Variants in GOT1 observed in about 807,000 individuals in gnomAD.
GOT1 encodes glutamic-oxaloacetic transaminase 1.
In GOT1, 25 loss-of-function variants were observed where a neutral mutation model predicts 48.2. The observed-to-expected ratio is 0.52, with a 90% CI of 0.38 to 0.72. The LOEUF (loss-of-function observed/expected upper bound fraction) is 0.72, where lower values mean the gene tolerates loss of function less well. Among genes scored for constraint, GOT1 ranks in the 30% least tolerant of loss-of-function variants. GOT1 has a pLI of 0.00. For synonymous variants in GOT1, 188 were observed against 193.8 expected, an observed-to-expected ratio of 0.97 and a Z score of 0.25; for missense variants, 380 against 520.1, an observed-to-expected ratio of 0.73 and a Z score of 2.62.
At position 99,403,454 on chromosome 10, in the gene GOT1, C is replaced by T; in HGVS notation, c.959+15G>A. On this transcript the variant is annotated intron_variant, in intron 7 of 8. Transcript: ENST00000370508. ...ACTCCCCACCCCCCGGCCCACCAGA[C>T]TGGGAGCCCCTTACCATTCCTCAAA... The T allele has an allele frequency of 6.2e-7, 1 of 1,603,122 alleles. No individual in the cohort carries two copies.
At chr10:99,430,322 C>T (rs757291704) in intron 1 of GOT1, 126 bp downstream of exon 1, 1 of 1,601,094 alleles carries the variant, frequency 6.2e-7, no homozygotes, top group East Asian at 2.2e-5. Context: ...ATCCAGCCTC[C>T]TCTCCGGCGC....
rs960073477 is a variant in GOT1, at chr10:99,397,827, A to G, written c.1103-141T>C. On this transcript the variant is annotated intron_variant, in intron 8 of 8. Transcript: ENST00000370508. This position sits in a 1 kb window ranked among gnomAD's most constrained non-coding sequence, Gnocchi z 5.4. ...AAAACAAAAGGCGCTATTTTGTCCA[A>G]CTGACAAACAGAAAAATATGCTCAC... 1.5e-5 allele frequency: 11 copies of G among 724,780 alleles called. No individual in the cohort carries two copies. In the East Asian group the frequency reaches 3.0e-4, roughly 19 times the overall value. The allele number at this position is 724,780 out of a possible 1,614,324, so 44.9% of individuals were successfully genotyped here.
chr10:99,416,879 T>G (rs910064876), intron 2 of GOT1, among the ~76,000 whole-genome samples: 10 of 152,164 alleles, frequency 6.6e-5, no homozygotes, highest in African/African-American at 1.7e-4. Flanking sequence ...TAGACATATG[T>G]AGAAAGCTGA....
intron 2 of GOT1, among the ~76,000 whole-genome samples, chr10:99,419,132 T>C (rs542192115): frequency 1.0e-3 from 159 of 152,292 alleles, no homozygotes; most frequent in Middle Eastern, 6.8e-3. Flanking sequence ...ACATGATATA[T>C]AAAAGGAAAA....
chr10:99,422,201 T>G (rs2032979319), intron 1 of GOT1, among the ~76,000 whole-genome samples: 1 of 152,198 alleles, frequency 6.6e-6, no homozygotes. Context: ...CCTCCCGCTT[T>G]GCTCTCTCTC....
rs559712292 is a variant in GOT1, at chr10:99,397,536, G to T, written c.*11C>A. On this transcript the variant is annotated 3_prime_UTR_variant, in exon 9 of 9. Coordinates refer to ENST00000370508, the MANE Select transcript of GOT1 (RefSeq NM_002079.3). This position sits in a 1 kb window ranked among gnomAD's most constrained non-coding sequence, Gnocchi z 5.4. ...GAACTACTTTGGTGGTACTGGACGG[G>T]TGGTGTTTCTTCACTGGATTTTGGT... is the stretch of plus-strand genomic sequence containing the variant. 3 of 1,613,470 alleles carry T rather than the reference G, an allele frequency of 1.9e-6. No individual in the cohort carries two copies. Among genetic ancestry groups the T allele is most frequent in the Admixed American group, 3.3e-5 (2 of 60,020 alleles).
At chr10:99,408,718 C>CAAAT (rs1237605572) in intron 2 of GOT1, among the ~76,000 whole-genome samples, 1 of 152,066 alleles carries the variant, frequency 6.6e-6, no homozygotes, top group Non-Finnish European at 1.5e-5. Context: ...GACTCTGTCT[C>CAAAT]AAATAAATAA....
chr10:99,417,222 C>G (rs1393435016), intron 2 of GOT1, among the ~76,000 whole-genome samples: 2 of 152,116 alleles, frequency 1.3e-5, no homozygotes, highest in African/African-American at 4.8e-5. Context: ...AGAACTCAAA[C>G]AAATTTACAA....
intron 1 of GOT1, among the ~76,000 whole-genome samples, chr10:99,429,996 G>A (rs1048230046): frequency 6.6e-6 from 1 of 152,122 alleles, no homozygotes; most frequent in Non-Finnish European, 1.5e-5. Flanking sequence ...GTGGCTGATT[G>A]ATACTCGGTG....
At position 99,397,198 on chromosome 10, in the gene GOT1, G is replaced by A; in HGVS notation, c.*349C>T. On this transcript the variant is annotated 3_prime_UTR_variant, in exon 9 of 9. Transcript: ENST00000370508. The surrounding 1 kb of genome is among the most constrained non-coding windows in gnomAD (Gnocchi z 5.4). ...TCAGACAACTTGATCTTTGGGACTA[G>A]AATTTGTACAGAGTCAAACACCACA... is the stretch of plus-strand genomic sequence containing the variant. 5.0e-6 allele frequency: 1 copy of A among 199,194 alleles called. No individual in the cohort carries two copies. Among genetic ancestry groups the A allele is most frequent in the Non-Finnish European group, 1.0e-5 (1 of 95,420 alleles). 12.3% of individuals were successfully genotyped at this position (199,194 alleles called of 1,614,324 possible). A position where few individuals can be genotyped will look rare whatever the true frequency, so the allele number is the denominator to read the frequency against.
Position 99,399,484 on chromosome 10 carries a change from A to G in GOT1, c.1103-1798T>C, listed in dbSNP as rs1198810382. ...CACCTGTGCAAGTTAATAAATTTGC[A>G]TGCTGGCCAGGCACAGTGGCTCATG... On this transcript the variant is annotated intron_variant, in intron 8 of 8. Transcript: ENST00000370508. Among the ~76,000 whole-genome samples the G allele has an allele frequency of 2.6e-5, 4 of 152,334 alleles. No individual in the cohort carries two copies. The East Asian group carries it at 7.7e-4, about 29-fold the overall frequency.
chr10:99,419,440 T>C (rs1239220949), intron 2 of GOT1, among the ~76,000 whole-genome samples: 2 of 152,182 alleles, frequency 1.3e-5, no homozygotes, highest in Non-Finnish European at 2.9e-5. Context: ...CTATCCAACA[T>C]GTTCCCAGCT....
chr10:99,405,230 T>C (rs1415972751), intron 5 of GOT1, among the ~76,000 whole-genome samples: 1 of 152,130 alleles, frequency 6.6e-6, no homozygotes, highest in Non-Finnish European at 1.5e-5. Context: ...CACTTTCAGC[T>C]AGGAATTCCC....
At chr10:99,428,689 T>C (rs2033072361) in intron 1 of GOT1, among the ~76,000 whole-genome samples, 1 of 152,230 alleles carries the variant, frequency 6.6e-6, no homozygotes, top group Admixed American at 6.5e-5. Flanking sequence ...TGTATTTAGA[T>C]TGACAGTAAT....
chr10:99,397,580 G>T lies in GOT1; in HGVS notation c.1209C>A (p.Thr403=). The change falls in exon 9 of 9, where the codon ACC becomes ACA. Residue 403 remains threonine, a synonymous_variant. Coordinates refer to ENST00000370508, the MANE Select transcript of GOT1 (RefSeq NM_002079.3). This position sits in a 1 kb window ranked among gnomAD's most constrained non-coding sequence, Gnocchi z 5.4. ...LTTKNLDYVA[T]SIHEAVTKIQ ...TTTTGGTGACTGCTTCATGGATGGAGGTGGCCACGTAATCTAGATTTTTGG... is the reference window on the plus strand; with the variant it reads ...TTTTGGTGACTGCTTCATGGATGGATGTGGCCACGTAATCTAGATTTTTGG... The T allele has an allele frequency of 6.2e-7, 1 of 1,614,070 alleles. No individual in the cohort carries two copies. Among genetic ancestry groups the T allele is most frequent in the Non-Finnish European group, 8.5e-7 (1 of 1,179,984 alleles).
chr10:99,419,663 G>A lies in GOT1; in HGVS notation c.300+961C>T, dbSNP rs1008615394. Among the ~76,000 whole-genome samples, 7 of 152,168 alleles carry A rather than the reference G, an allele frequency of 4.6e-5. No individual in the cohort carries two copies. In the East Asian group the frequency reaches 5.8e-4, roughly 13 times the overall value. ...GGAGTGAAAGAGAGGGGAGAAGGGT[G>A]GTGCCTCCAAGATTCTGATTTACCT... On this transcript the variant is annotated intron_variant, in intron 2 of 8. Transcript: ENST00000370508.
At chr10:99,412,575 G>C (rs1457076109) in intron 2 of GOT1, among the ~76,000 whole-genome samples, 1 of 151,886 alleles carries the variant, frequency 6.6e-6, no homozygotes, top group African/African-American at 2.4e-5. Context: ...AAATGTCCCT[G>C]TCTGACAGCT....
intron 2 of GOT1, among the ~76,000 whole-genome samples, chr10:99,412,690 AC>A (rs34971146): frequency 6.6e-6 from 1 of 151,840 alleles, no homozygotes; most frequent in Non-Finnish European, 1.5e-5. Context: ...ACTGGGAGGC[AC>A]CCCCCAGTAG....
intron 1 of GOT1, among the ~76,000 whole-genome samples, chr10:99,426,510 A>C (rs2033039697): frequency 6.6e-6 from 1 of 152,210 alleles, no homozygotes; most frequent in Non-Finnish European, 1.5e-5. Context: ...CCATGTTGAA[A>C]ATAAGAAATA....
Sources: allele counts gnomAD v4.1 joint callset (sites outside exome capture counted in the v4.1 genomes callset), GRCh38; gene constraint gnomAD v4.1.1; non-coding constraint Gnocchi (gnomAD v3.1); transcripts MANE v1.5; gene names NCBI Gene and HGNC (gene_info 2026-07-23, HGNC 2026-07-21).